The following EXOC6B variants were observed in gnomAD, a reference collection of about 807,000 sequenced individuals.
EXOC6B encodes SEC15 homolog B.
EXOC6B carries 54 observed loss-of-function variants against 113.5 expected under a neutral mutation model. The ratio of observed to expected loss-of-function variants is 0.48; its 90% confidence interval spans 0.38 to 0.60. The LOEUF is 0.60. Among genes scored for constraint, EXOC6B ranks in the 20% least tolerant of loss-of-function variants. The pLI, the probability that EXOC6B is intolerant of heterozygous loss-of-function variation, is 0.00. For missense variants in EXOC6B, 797 were observed against 977.5 expected (o/e 0.82, Z 2.46); for synonymous variants, 357 against 339.0 (o/e 1.05, Z -0.58).
chr2:72,562,139 C>G (rs1448291936), intron 7 of EXOC6B, among the ~76,000 whole-genome samples: 1 of 152,092 alleles, frequency 6.6e-6, no homozygotes, highest in Admixed American at 6.5e-5. Context: ...TGCACTGACT[C>G]ATGTTGCTTA....
chr2:72,710,950 T>C (rs1474055190), intron 6 of EXOC6B, among the ~76,000 whole-genome samples: 1 of 152,158 alleles, frequency 6.6e-6, no homozygotes, highest in Non-Finnish European at 1.5e-5. Flanking sequence ...GTTAGAATTG[T>C]AAAAGTAAAT....
intron 20 of EXOC6B, among the ~76,000 whole-genome samples, chr2:72,321,389 G>T (rs138550560): frequency 1.8e-4 from 27 of 152,140 alleles, no homozygotes; most frequent in African/African-American, 5.1e-4. Context: ...ACAAGAATTA[G>T]CTGGGCATGG....
chr2:72,711,236 C>T (rs529918208), intron 6 of EXOC6B, among the ~76,000 whole-genome samples: 51 of 151,826 alleles, frequency 3.4e-4, no homozygotes, highest in Middle Eastern at 3.4e-3. Flanking sequence ...ATAAGATATA[C>T]ACAGCATTTT....
At chr2:72,491,235 T>G (rs542789566) in intron 16 of EXOC6B, among the ~76,000 whole-genome samples, 28 of 152,124 alleles carry the variant, frequency 1.8e-4, no homozygotes, top group Non-Finnish European at 3.5e-4. Context: ...AATTTTCAAT[T>G]GAAAGAAAAG....
At chr2:72,329,471 G>C (rs1218631699) in intron 20 of EXOC6B, among the ~76,000 whole-genome samples, 1 of 151,888 alleles carries the variant, frequency 6.6e-6, no homozygotes, top group Non-Finnish European at 1.5e-5. Context: ...ATGTCTTTTT[G>C]GTATATTGCT....
Position 72,285,717 on chromosome 2 carries a change from A to C in EXOC6B, c.2196+49230T>G, listed in dbSNP as rs572344087. ...ACAAAGATAAGCCACAGACTGGGAG[A>C]AAATATTTGCAAAAGACACATCTGA... On this transcript the variant is annotated intron_variant, in intron 20 of 21. Transcript: ENST00000272427. 6.6e-5 allele frequency among the ~76,000 whole-genome samples: 10 copies of C among 152,282 alleles called. No homozygotes were observed. In the South Asian group the frequency reaches 2.1e-3, roughly 32 times the overall value.
chr2:72,464,271 G>A (rs1697895853), intron 18 of EXOC6B: 1 of 152,134 alleles, frequency 6.6e-6, no homozygotes, highest in Admixed American at 6.6e-5. Context: ...ATTCTAAAAC[G>A]AAAGAGTACA....
chr2:72,731,918 G>T (rs1181901179), intron 3 of EXOC6B, among the ~76,000 whole-genome samples: 1 of 152,120 alleles, frequency 6.6e-6, no homozygotes, highest in East Asian at 1.9e-4. Flanking sequence ...TGATAACAGA[G>T]AACAGTCATG....
chr2:72,632,348 T>G (rs1283619765), intron 6 of EXOC6B, among the ~76,000 whole-genome samples: 1 of 152,144 alleles, frequency 6.6e-6, no homozygotes, highest in Non-Finnish European at 1.5e-5. Flanking sequence ...TCAGTAAAAA[T>G]GTAAATGTAA....
intron 6 of EXOC6B, among the ~76,000 whole-genome samples, chr2:72,578,422 T>C (rs1055262392): frequency 1.3e-5 from 2 of 152,138 alleles, no homozygotes; most frequent in Non-Finnish European, 2.9e-5. Context: ...TACCTCCTAA[T>C]ACGCTGGGTA....
rs1704773504 is a variant in EXOC6B, at chr2:72,575,428, A to C, written c.846+64T>G. ...ACATTATATGGATAAACTCTTCATCACATCTCAACCATACTATTTAAGCTT... is the reference window on the plus strand; with the variant it reads ...ACATTATATGGATAAACTCTTCATCCCATCTCAACCATACTATTTAAGCTT... On this transcript the variant is annotated intron_variant, in intron 7 of 21. Transcript: ENST00000272427. 2.1e-6 allele frequency: 3 copies of C among 1,437,884 alleles called. No individual in the cohort carries two copies. In the South Asian group the frequency reaches 4.1e-5, roughly 19 times the overall value. 89.1% of individuals were successfully genotyped at this position (1,437,884 alleles called of 1,614,324 possible). A position where few individuals can be genotyped will look rare whatever the true frequency, so the allele number is the denominator to read the frequency against.
intron 20 of EXOC6B, among the ~76,000 whole-genome samples, chr2:72,230,873 G>A (rs1452369859): frequency 6.6e-6 from 1 of 152,016 alleles, no homozygotes; most frequent in East Asian, 1.9e-4. Context: ...AATGGAAGCA[G>A]GAATAAAAAT....
intron 20 of EXOC6B, among the ~76,000 whole-genome samples, chr2:72,258,739 AAGTACAT>A (rs1333295233): frequency 6.6e-6 from 1 of 152,142 alleles, no homozygotes; most frequent in Admixed American, 6.6e-5. Context: ...TAGAAGGCCC[AAGTACAT>A]ACAAAGACAG....
At chr2:72,452,703 C>A (rs1016162751) in intron 18 of EXOC6B, among the ~76,000 whole-genome samples, 7 of 152,180 alleles carry the variant, frequency 4.6e-5, no homozygotes, top group Non-Finnish European at 8.8e-5. Context: ...GAAGTTACAG[C>A]TTTATGTAAG....
chr2:72,295,319 T>C (rs190485694), intron 20 of EXOC6B, among the ~76,000 whole-genome samples: 2 of 152,296 alleles, frequency 1.3e-5, no homozygotes, highest in Non-Finnish European at 2.9e-5. Flanking sequence ...ACTACATCCT[T>C]TTCTTTTAAA....
intron 19 of EXOC6B, among the ~76,000 whole-genome samples, chr2:72,348,951 G>A (rs189139043): frequency 5.9e-4 from 90 of 152,110 alleles, no homozygotes; most frequent in Admixed American, 1.6e-3. Flanking sequence ...AGGAGATGAT[G>A]TTTCTCTCAT....
chr2:72,748,710 C>A (rs1464482804), intron 1 of EXOC6B, among the ~76,000 whole-genome samples: 2 of 152,026 alleles, frequency 1.3e-5, no homozygotes, highest in Non-Finnish European at 2.9e-5. Context: ...ATGCAGATTT[C>A]TCTCAAGGCA....
At chr2:72,480,202 T>C (rs892999743) in intron 17 of EXOC6B, among the ~76,000 whole-genome samples, 9 of 144,940 alleles carry the variant, frequency 6.2e-5, no homozygotes, top group Non-Finnish European at 1.1e-4. Flanking sequence ...AGATTTGATT[T>C]AAAAAAAAAA....
chr2:72,721,849 TATATC>T (rs1680027262), intron 5 of EXOC6B: 1 of 152,108 alleles, frequency 6.6e-6, no homozygotes, highest in African/African-American at 2.4e-5. Context: ...TAATATCTGA[TATATC>T]TTATCAGTTT....
Sources: allele counts gnomAD v4.1 joint callset (sites outside exome capture counted in the v4.1 genomes callset), GRCh38; gene constraint gnomAD v4.1.1; transcripts MANE v1.5; gene names NCBI Gene and HGNC (gene_info 2026-07-23, HGNC 2026-07-21).